The following RAD51B variants were observed in gnomAD, a reference collection of about 807,000 sequenced individuals.
RAD51B encodes the protein DNA repair protein RAD51 homolog 2.
RAD51B carries 38 observed loss-of-function variants against 42.2 expected under a neutral mutation model. That is an observed-to-expected ratio of 0.90 (90% CI 0.70 to 1.18). RAD51B has a LOEUF of 1.18. RAD51B is among the 50% of genes most tolerant of loss of function. The pLI, the probability that RAD51B is intolerant of heterozygous loss-of-function variation, is 0.00. For synonymous variants in RAD51B, 154 were observed against 145.2 expected (o/e 1.06, Z -0.43); for missense variants, 373 against 400.7 (o/e 0.93, Z 0.59).
intron 10 of RAD51B, among the ~76,000 whole-genome samples, chr14:68,542,034 T>C (rs1887996182): frequency 6.6e-6 from 1 of 152,226 alleles, no homozygotes; most frequent in East Asian, 1.9e-4. Flanking sequence ...TAATATATTA[T>C]GTACATTATA....
chr14:68,280,597 G>A (rs1188793847), intron 7 of RAD51B, among the ~76,000 whole-genome samples: 3 of 152,208 alleles, frequency 2.0e-5, no homozygotes, highest in Non-Finnish European at 4.4e-5. Flanking sequence ...CATAGGAAAT[G>A]CTTAGTGAAC....
At chr14:68,009,815 G>A (rs1201524389) in intron 7 of RAD51B, among the ~76,000 whole-genome samples, 1 of 151,326 alleles carries the variant, frequency 6.6e-6, no homozygotes, top group Non-Finnish European at 1.5e-5. Flanking sequence ...TTATATTTTC[G>A]AGTGCCTTGC....
chr14:67,947,863 A>G (rs1233414768), intron 7 of RAD51B, among the ~76,000 whole-genome samples: 1 of 152,230 alleles, frequency 6.6e-6, no homozygotes, highest in Admixed American at 6.5e-5. Context: ...AGTGTTTTCA[A>G]TTAGATATTT....
At chr14:67,883,073 C>G (rs544663968) in intron 5 of RAD51B, among the ~76,000 whole-genome samples, 1 of 152,264 alleles carries the variant, frequency 6.6e-6, no homozygotes, top group South Asian at 2.1e-4. Flanking sequence ...CTCTTTTGAA[C>G]TATATCTTGA....
intron 7 of RAD51B, among the ~76,000 whole-genome samples, chr14:68,151,626 G>T (rs1056222492): frequency 6.6e-6 from 1 of 151,826 alleles, no homozygotes; most frequent in South Asian, 2.1e-4. Context: ...GTGTGTGTGT[G>T]TGTGTTTCAG....
intron 7 of RAD51B, among the ~76,000 whole-genome samples, chr14:67,936,933 A>C (rs768763566): frequency 1.3e-5 from 2 of 152,064 alleles, no homozygotes; most frequent in Non-Finnish European, 2.9e-5. Context: ...TTGTCTTTTT[A>C]TTATTGTATT....
rs569394299 is a variant in RAD51B, at chr14:67,927,699, T to TTGTGTG, written c.756+40498_756+40499insGTGTGT. On this transcript the variant is annotated intron_variant, in intron 7 of 10. Transcript: ENST00000471583. ...TTTTTTATGGCTGAATAGTATTTCA[T>TTGTGTG]TGTATGTGTGTGTGTGTGTGTGTGT... Among the ~76,000 whole-genome samples the TTGTGTG allele has an allele frequency of 2.0e-3, 275 of 134,342 alleles. 1 individual carries two copies. Among genetic ancestry groups the TTGTGTG allele is most frequent in the African/African-American group, 9.1e-3 (261 of 28,704 alleles). The allele number at this position is 134,342 out of a possible 152,430, so 88.1% of individuals were successfully genotyped here.
intron 4 of RAD51B, among the ~76,000 whole-genome samples, chr14:67,850,720 A>G (rs1208279820): frequency 1.3e-5 from 2 of 152,162 alleles, no homozygotes; most frequent in African/African-American, 4.8e-5. Context: ...CCTATGTCAA[A>G]TGTAGAAGTG....
intron 11 of RAD51B, among the ~76,000 whole-genome samples, chr14:68,656,367 C>G (rs971964948): frequency 7.2e-5 from 11 of 152,182 alleles, no homozygotes; most frequent in African/African-American, 2.7e-4. Context: ...GATTTGTGCA[C>G]AGAATCCCAA....
chr14:68,088,630 GAGAGAGAGAGAC>G (rs1346841777), intron 7 of RAD51B, among the ~76,000 whole-genome samples: 1 of 144,220 alleles, frequency 6.9e-6, no homozygotes, highest in African/African-American at 2.6e-5. Context: ...GAGACAGAGA[GAGAGAGAGAGAC>G]AGAGAGAGAG....
chr14:68,581,211 C>T (rs190151166), intron 10 of RAD51B, among the ~76,000 whole-genome samples: 152 of 152,130 alleles, frequency 1.0e-3, no homozygotes, highest in Non-Finnish European at 1.8e-3. Context: ...AAGTGATAGG[C>T]GGTCAGTAGA....
intron 7 of RAD51B, among the ~76,000 whole-genome samples, chr14:67,943,333 TC>T (rs2045272551): frequency 6.6e-6 from 1 of 152,184 alleles, no homozygotes; most frequent in African/African-American, 2.4e-5. Flanking sequence ...TAAAATGTTT[TC>T]TTTATGCTCC....
rs527800611 is a variant in RAD51B at position 68,362,860 on chromosome 14, T to TA, written c.854-48553dup. The stretch of plus-strand genomic sequence containing the variant: ...TGAGATTCCGTCTCAAAAAAAAAAT[T>TA]AAAAAAAAAAAGAAACGAACAGAAA... On this transcript the variant is annotated intron_variant, in intron 8 of 10. Transcript: ENST00000471583. 1.3e-3 allele frequency among the ~76,000 whole-genome samples: 193 copies of TA among 145,658 alleles called. 2 individuals are homozygous for TA. Among genetic ancestry groups the TA allele is most frequent in the South Asian group, 7.9e-3 (36 of 4,548 alleles).
At chr14:67,957,289 A>C (rs1881033727) in intron 7 of RAD51B, among the ~76,000 whole-genome samples, 1 of 152,250 alleles carries the variant, frequency 6.6e-6, no homozygotes, top group African/African-American at 2.4e-5. Context: ...AACATGGCAC[A>C]TTTGAGGGAC....
At chr14:67,917,011 G>A (rs531619510) in intron 7 of RAD51B, among the ~76,000 whole-genome samples, 5 of 152,308 alleles carry the variant, frequency 3.3e-5, no homozygotes, top group South Asian at 4.2e-4. Flanking sequence ...CAGAATTAGG[G>A]TAGTAAGGGT....
intron 7 of RAD51B, among the ~76,000 whole-genome samples, chr14:68,115,708 C>T (rs2077535491): frequency 6.6e-6 from 1 of 152,076 alleles, no homozygotes; most frequent in Non-Finnish European, 1.5e-5. Flanking sequence ...TTCTTTAACT[C>T]AAAGTGCGGG....
Position 67,823,628 on chromosome 14 carries a change from G to A in RAD51B, c.84+1G>A, listed in dbSNP as rs1403303797. The A allele has an allele frequency of 2.6e-5, 42 of 1,607,698 alleles. No homozygotes were observed. The highest frequency in any genetic ancestry group is 3.6e-5 in the Non-Finnish European group (42 of 1,176,574). ...TAGACATCAGATCCTTACCTGTCAG[G>A]TAAATTTTATTTAACATTTTTATTG... is the stretch of plus-strand genomic sequence containing the variant. On this transcript the variant is annotated splice_donor_variant, in intron 2 of 10. Coordinates refer to ENST00000471583, the MANE Select transcript of RAD51B (RefSeq NM_133510.4). LOFTEE classifies it high-confidence loss of function.
intron 4 of RAD51B, among the ~76,000 whole-genome samples, chr14:67,846,820 A>G (rs1255631585): frequency 1.3e-5 from 2 of 152,140 alleles, no homozygotes; most frequent in Non-Finnish European, 2.9e-5. Flanking sequence ...CTAGGAGAGC[A>G]TGGTGAGCCT....
intron 9 of RAD51B, among the ~76,000 whole-genome samples, chr14:68,428,931 G>C (rs1313316480): frequency 1.5e-5 from 2 of 136,026 alleles, no homozygotes; most frequent in Non-Finnish European, 1.5e-5. Flanking sequence ...ACAGGCCCCA[G>C]TGTGTGATCT....
Sources: allele counts gnomAD v4.1 joint callset (sites outside exome capture counted in the v4.1 genomes callset), GRCh38; gene constraint gnomAD v4.1.1; transcripts MANE v1.5; gene names NCBI Gene and HGNC (gene_info 2026-07-23, HGNC 2026-07-21).